Variants in WWOX observed in about 807,000 individuals in gnomAD.
WWOX encodes WW domain-containing oxidoreductase.
WWOX carries 69 observed loss-of-function variants against 46.2 expected under a neutral mutation model. The observed-to-expected ratio is 1.49, with a 90% CI of 1.23 to 1.82. WWOX has a LOEUF of 1.82. Among genes scored for constraint, WWOX ranks in the 40% most tolerant of loss-of-function variants. WWOX has a pLI of 0.00. For missense variants in WWOX, 919 were observed against 542.6 expected (o/e 1.69, Z -6.89); for synonymous variants, 359 against 202.6 (o/e 1.77, Z -6.56).
intron 8 of WWOX, among the ~76,000 whole-genome samples, chr16:78,723,407 C>A (rs1182133050): frequency 6.6e-6 from 1 of 151,486 alleles, no homozygotes; most frequent in Non-Finnish European, 1.5e-5. Flanking sequence ...CACAAGATGC[C>A]CTGATGGTGC....
At chr16:78,319,417 G>A (rs1051386504) in intron 5 of WWOX, among the ~76,000 whole-genome samples, 2 of 152,050 alleles carry the variant, frequency 1.3e-5, no homozygotes, top group African/African-American at 2.4e-5. Context: ...GTACCATCAC[G>A]CCCGGCTAAC....
At chr16:78,959,867 G>C (rs375978071) in intron 8 of WWOX, among the ~76,000 whole-genome samples, 111 of 152,302 alleles carry the variant, frequency 7.3e-4, no homozygotes, top group African/African-American at 2.6e-3. Flanking sequence ...TTCTTCTGGA[G>C]AGTCTGATTT....
At chr16:78,633,276 C>CA (rs1379441793) in intron 8 of WWOX, among the ~76,000 whole-genome samples, 1 of 151,950 alleles carries the variant, frequency 6.6e-6, no homozygotes, top group Non-Finnish European at 1.5e-5. Flanking sequence ...CAAAACAAAA[C>CA]AAAAAAACAA....
intron 8 of WWOX, among the ~76,000 whole-genome samples, chr16:78,907,419 C>G (rs962300287): frequency 6.6e-6 from 1 of 152,210 alleles, no homozygotes; most frequent in Non-Finnish European, 1.5e-5. Flanking sequence ...TTTATGTCCA[C>G]TCTTTAGCAG....
chr16:78,882,590 C>G (rs537121779), intron 8 of WWOX, among the ~76,000 whole-genome samples: 1 of 149,174 alleles, frequency 6.7e-6, no homozygotes, highest in African/African-American at 2.5e-5. Flanking sequence ...GATCCTCTCT[C>G]CTCGCCTCCC....
intron 5 of WWOX, among the ~76,000 whole-genome samples, chr16:78,311,647 G>A (rs561257888): frequency 6.6e-6 from 1 of 152,310 alleles, no homozygotes; most frequent in South Asian, 2.1e-4. Context: ...ACTTCTAGTG[G>A]TAATGGCTGT....
intron 8 of WWOX, among the ~76,000 whole-genome samples, chr16:79,146,799 G>A (rs1157449859): frequency 6.6e-6 from 1 of 152,126 alleles, no homozygotes; most frequent in Non-Finnish European, 1.5e-5. Context: ...AGAGATTTTA[G>A]TGCTAGGATT....
intron 8 of WWOX, among the ~76,000 whole-genome samples, chr16:78,510,501 C>T (rs1158615538): frequency 6.6e-6 from 1 of 152,146 alleles, no homozygotes; most frequent in Non-Finnish European, 1.5e-5. Context: ...TCGTGAGCCA[C>T]CGTGCCGGCC....
chr16:78,391,049 C>T (rs2082165264), intron 6 of WWOX, among the ~76,000 whole-genome samples: 1 of 152,268 alleles, frequency 6.6e-6, no homozygotes, highest in South Asian at 2.1e-4. Flanking sequence ...AGTCTTAGAG[C>T]AGAAAAGGTA....
At chr16:78,428,463 C>A (rs781231219) in intron 7 of WWOX, among the ~76,000 whole-genome samples, 4 of 152,196 alleles carry the variant, frequency 2.6e-5, no homozygotes, top group Non-Finnish European at 5.9e-5. Context: ...AATCAGGGGT[C>A]ACCCTTACAG....
intron 5 of WWOX, among the ~76,000 whole-genome samples, chr16:78,240,375 G>A (rs558027342): frequency 6.6e-6 from 1 of 152,092 alleles, no homozygotes; most frequent in South Asian, 2.1e-4. Flanking sequence ...AGAGGAGAAG[G>A]CTCTGTGAAG....
chr16:78,853,488 A>T (rs781725937), intron 8 of WWOX, among the ~76,000 whole-genome samples: 6 of 152,178 alleles, frequency 3.9e-5, no homozygotes, highest in Non-Finnish European at 5.9e-5. Context: ...CAAAATCCAG[A>T]AATCCAGTTT....
chr16:78,774,805 C>G (rs1020170608), intron 8 of WWOX, among the ~76,000 whole-genome samples: 1 of 152,156 alleles, frequency 6.6e-6, no homozygotes, highest in African/African-American at 2.4e-5. Flanking sequence ...CTGTGAGGTG[C>G]TCCCAGGAGA....
chr16:78,159,106 T>G (rs2034699863), intron 4 of WWOX, among the ~76,000 whole-genome samples: 1 of 152,190 alleles, frequency 6.6e-6, no homozygotes, highest in Non-Finnish European at 1.5e-5. Context: ...AATAGCAGAA[T>G]TTCCTTCATT....
intron 8 of WWOX, among the ~76,000 whole-genome samples, chr16:79,124,006 T>C (rs534626629): frequency 4.6e-5 from 7 of 152,254 alleles, no homozygotes; most frequent in African/African-American, 1.7e-4. Context: ...CTAAATAAAC[T>C]CTGCCTTCTC....
intron 8 of WWOX, among the ~76,000 whole-genome samples, chr16:78,742,212 G>A (rs11862683): frequency 0.011 from 1,675 of 152,284 alleles, 35 homozygotes; most frequent in African/African-American, 0.038. Flanking sequence ...AATACTAGGG[G>A]TGAGTGTGCT....
At chr16:78,691,121 T>G in intron 8 of WWOX, 1 of 638,364 alleles carries the variant, frequency 1.6e-6, no homozygotes. Context: ...CCAGTCGTTA[T>G]TGCTTTAGAA....
intron 5 of WWOX, among the ~76,000 whole-genome samples, chr16:78,356,469 C>A (rs887864598): frequency 6.6e-6 from 1 of 152,174 alleles, no homozygotes. Context: ...GGAGATATGA[C>A]ACATCTCTAG....
At chr16:78,491,933 T>A (rs571170405) in intron 8 of WWOX, among the ~76,000 whole-genome samples, 30 of 152,244 alleles carry the variant, frequency 2.0e-4, no homozygotes, top group African/African-American at 7.2e-4. Flanking sequence ...CAGCCCAGGG[T>A]GCTGCTTGTT....
Sources: allele counts gnomAD v4.1 joint callset (sites outside exome capture counted in the v4.1 genomes callset), GRCh38; gene constraint gnomAD v4.1.1; transcripts MANE v1.5; gene names NCBI Gene and HGNC (gene_info 2026-07-23, HGNC 2026-07-21).